Variants in ZDHHC14 observed in about 807,000 individuals in gnomAD.
ZDHHC14 encodes zDHHC palmitoyltransferase 14.
A neutral mutation model predicts 47.7 loss-of-function variants in ZDHHC14; 16 were observed. That is an observed-to-expected ratio of 0.34 (90% CI 0.23 to 0.51). The LOEUF is 0.51. Among genes scored for constraint, ZDHHC14 ranks in the 20% least tolerant of loss-of-function variants. ZDHHC14 has a pLI of 0.97. For synonymous variants in ZDHHC14, 293 were observed against 278.9 expected (o/e 1.05, Z -0.50); for missense variants, 515 against 662.5 (o/e 0.78, Z 2.44).
chr6:157,462,320 T>C (rs750149023), intron 1 of ZDHHC14, among the ~76,000 whole-genome samples: 1 of 152,254 alleles, frequency 6.6e-6, no homozygotes, highest in Non-Finnish European at 1.5e-5. Flanking sequence ...TGAGATTCAC[T>C]GTAGGTTTCC....
At chr6:157,649,158 A>G (rs1223471599) in intron 7 of ZDHHC14, among the ~76,000 whole-genome samples, 1 of 152,190 alleles carries the variant, frequency 6.6e-6, no homozygotes, top group Non-Finnish European at 1.5e-5. Context: ...AAGTGTTTGA[A>G]TCGTTTGTTA....
intron 8 of ZDHHC14, among the ~76,000 whole-genome samples, chr6:157,664,260 G>A (rs1778461213): frequency 6.6e-6 from 1 of 152,102 alleles, no homozygotes; most frequent in South Asian, 2.1e-4. Context: ...ACTTCATCCA[G>A]ATAATTTTTC....
intron 3 of ZDHHC14, among the ~76,000 whole-genome samples, chr6:157,602,750 C>T (rs1475778080): frequency 6.6e-6 from 1 of 152,154 alleles, no homozygotes; most frequent in Admixed American, 6.5e-5. Context: ...TTACTCTTCA[C>T]CCGCCATGAG....
chr6:157,479,342 T>C (rs539683520), intron 1 of ZDHHC14, among the ~76,000 whole-genome samples: 3 of 152,310 alleles, frequency 2.0e-5, no homozygotes, highest in Admixed American at 2.0e-4. Flanking sequence ...ATTTTATGTG[T>C]CTTAAGGTTT....
chr6:157,409,756 C>T (rs1023541321), intron 1 of ZDHHC14, among the ~76,000 whole-genome samples: 1 of 152,116 alleles, frequency 6.6e-6, no homozygotes, highest in East Asian at 1.9e-4. Flanking sequence ...GAGTGGTTTC[C>T]CATCTCCTCC....
chr6:157,392,645 ATGTGTG>A (rs372653506), intron 1 of ZDHHC14, among the ~76,000 whole-genome samples: 1 of 147,238 alleles, frequency 6.8e-6, no homozygotes, highest in Admixed American at 6.8e-5. Context: ...TAAGAGAAAG[ATGTGTG>A]TGTGTGTGTG....
intron 2 of ZDHHC14, among the ~76,000 whole-genome samples, chr6:157,591,065 A>G (rs2114888991): frequency 1.3e-5 from 2 of 152,248 alleles, no homozygotes; most frequent in East Asian, 3.9e-4. Flanking sequence ...GGTTTATTTT[A>G]CCCAGTGCCT....
chr6:157,646,308 G>A (rs1396232900), intron 6 of ZDHHC14: 1 of 152,496 alleles, frequency 6.6e-6, no homozygotes, highest in Non-Finnish European at 1.5e-5. Context: ...CAGATGGAGA[G>A]GAAGTATGAA....
At chr6:157,592,399 T>A (rs1783943422) in intron 2 of ZDHHC14, among the ~76,000 whole-genome samples, 1 of 152,168 alleles carries the variant, frequency 6.6e-6, no homozygotes, top group Non-Finnish European at 1.5e-5. Flanking sequence ...CCCCCTCCCA[T>A]TCTATACTTG....
At chr6:157,651,929 C>T (rs1275649918) in intron 7 of ZDHHC14, among the ~76,000 whole-genome samples, 1 of 152,214 alleles carries the variant, frequency 6.6e-6, no homozygotes, top group African/African-American at 2.4e-5. Context: ...GACCTTCATC[C>T]AACCCCAGGT....
intron 8 of ZDHHC14, among the ~76,000 whole-genome samples, chr6:157,671,947 C>T (rs1778816711): frequency 6.6e-6 from 1 of 152,224 alleles, no homozygotes; most frequent in South Asian, 2.1e-4. Flanking sequence ...TACCACCCAT[C>T]TCCAGGGCTT....
At chr6:157,508,383 T>C (rs548193043) in intron 1 of ZDHHC14, among the ~76,000 whole-genome samples, 3 of 152,346 alleles carry the variant, frequency 2.0e-5, no homozygotes, top group East Asian at 3.9e-4. Context: ...TATTTTTTTC[T>C]TGAGACAGGG....
In ZDHHC14 at chr6:157,654,630, G is replaced by A. The variant is rs565765674; in HGVS notation, c.1068+1003G>A. 1.4e-4 allele frequency among the ~76,000 whole-genome samples: 22 copies of A among 152,164 alleles called. No homozygotes were observed. In the East Asian group the frequency reaches 1.7e-3, roughly 12 times the overall value. On this transcript the variant is annotated intron_variant, in intron 8 of 8. Transcript: ENST00000359775. ...TGAGGCTGCCAAGTTCCACAGCTGC[G>A]TGAACTAGACTCAGCCCCCAGCAGA...
intron 1 of ZDHHC14, among the ~76,000 whole-genome samples, chr6:157,387,393 T>G (rs1210695483): frequency 6.6e-6 from 1 of 152,212 alleles, no homozygotes; most frequent in Non-Finnish European, 1.5e-5. Context: ...GTGCTGCCTT[T>G]ATAATATATA....
rs192303907 is a variant in ZDHHC14 at position 157,656,547 on chromosome 6, G to A, written c.1068+2920G>A. Among the ~76,000 whole-genome samples, 6 of 151,964 alleles carry A rather than the reference G, an allele frequency of 3.9e-5. No homozygotes were observed. The East Asian group carries it at 1.2e-3, about 29-fold the overall frequency. ...GAGGGGGTTTCACCATGTTGGCCAG[G>A]CTGGTCTGAAGCTCCTGGCCTCAAG... is the stretch of plus-strand genomic sequence containing the variant. On this transcript the variant is annotated intron_variant, in intron 8 of 8. Transcript: ENST00000359775.
intron 1 of ZDHHC14, among the ~76,000 whole-genome samples, chr6:157,538,480 C>T (rs1781625196): frequency 6.6e-6 from 1 of 152,200 alleles, no homozygotes; most frequent in Admixed American, 6.5e-5. Flanking sequence ...GTAAAATTCA[C>T]TAAATGGATT....
rs563192224 is a variant in ZDHHC14 at position 157,622,316 on chromosome 6, G to A, written c.566-6033G>A. Among the ~76,000 whole-genome samples, 64 of 151,968 alleles carry A rather than the reference G, an allele frequency of 4.2e-4. No individual in the cohort carries two copies. In the South Asian group the frequency reaches 7.7e-3, roughly 18 times the overall value. On this transcript the variant is annotated intron_variant, in intron 3 of 8. Transcript: ENST00000359775. ...GAGGCAGGAGATATCGCTTGAACCC[G>A]GGAGGCAGAGGCTGCAATGAGCCGA...
chr6:157,660,743 C>G (rs147593284), intron 8 of ZDHHC14, among the ~76,000 whole-genome samples: 2,967 of 152,324 alleles, frequency 0.019, 48 homozygotes, highest in Non-Finnish European at 0.03. Flanking sequence ...TTGGCAGCCA[C>G]TATTGAGAAC....
At chr6:157,403,713 C>G (rs572461069) in intron 1 of ZDHHC14, among the ~76,000 whole-genome samples, 1 of 152,260 alleles carries the variant, frequency 6.6e-6, no homozygotes, top group Non-Finnish European at 1.5e-5. Context: ...AGCTGATTAG[C>G]TGAGCAGAGC....
Sources: allele counts gnomAD v4.1 joint callset (sites outside exome capture counted in the v4.1 genomes callset), GRCh38; gene constraint gnomAD v4.1.1; transcripts MANE v1.5; gene names NCBI Gene and HGNC (gene_info 2026-07-23, HGNC 2026-07-21).